SLC35F4: variants seen among roughly 807,000 people sequenced by gnomAD.
SLC35F4 encodes chromosome 14 open reading frame 36.
Under a neutral mutation model 44.2 loss-of-function variants are expected in SLC35F4, and 24 were observed. That is an observed-to-expected ratio of 0.54 (90% CI 0.39 to 0.76). The LOEUF (loss-of-function observed/expected upper bound fraction) is 0.76, where lower values mean the gene tolerates loss of function less well. Ranked by LOEUF, SLC35F4 falls within the 30% of genes least tolerant of loss-of-function variation. The pLI is 0.00. For missense variants in SLC35F4, 562 were observed against 586.1 expected (o/e 0.96, Z 0.42); for synonymous variants, 238 against 223.6 (o/e 1.06, Z -0.57).
chr14:57,648,911 T>C (rs1439134016), intron 1 of SLC35F4, among the ~76,000 whole-genome samples: 3 of 152,206 alleles, frequency 2.0e-5, no homozygotes, highest in Non-Finnish European at 4.4e-5. Context: ...TATTTCTATT[T>C]ACTAAATCTG....
At chr14:57,680,047 A>G (rs2074841290) in intron 1 of SLC35F4, among the ~76,000 whole-genome samples, 1 of 152,094 alleles carries the variant, frequency 6.6e-6, no homozygotes, top group Non-Finnish European at 1.5e-5. Flanking sequence ...TCCTGATACC[A>G]AAACCTGGCA....
chr14:57,933,838 C>G (rs932523552), intron 1 of SLC35F4, among the ~76,000 whole-genome samples: 1 of 152,060 alleles, frequency 6.6e-6, no homozygotes, highest in African/African-American at 2.4e-5. Flanking sequence ...AGAAACAGCA[C>G]CAATTATCTT....
intron 1 of SLC35F4, among the ~76,000 whole-genome samples, chr14:57,651,416 T>C (rs1247404350): frequency 6.6e-6 from 1 of 151,942 alleles, no homozygotes; most frequent in Non-Finnish European, 1.5e-5. Context: ...TCCAGCCCCA[T>C]GAAGCCCAGC....
At chr14:57,746,450 A>G (rs1802272916) in intron 1 of SLC35F4, among the ~76,000 whole-genome samples, 1 of 152,166 alleles carries the variant, frequency 6.6e-6, no homozygotes, top group South Asian at 2.1e-4. Flanking sequence ...TGTGGGTAAC[A>G]TTGAATTGAC....
In SLC35F4 at chr14:57,764,120, G is replaced by A. The variant is rs762075782; in HGVS notation, c.103+101603C>T. On this transcript the variant is annotated intron_variant, in intron 1 of 7. Transcript: ENST00000556826. ...GCCATGTGATTGAGTAATTTTATAT[G>A]TCCACCCCATCTGAGCCTGAAGTTT... Among the ~76,000 whole-genome samples the A allele has an allele frequency of 4.6e-4, 70 of 152,226 alleles. 1 individual carries two copies. Among genetic ancestry groups the A allele is most frequent in the Non-Finnish European group, 7.6e-4 (52 of 67,998 alleles).
At chr14:57,925,368 T>C (rs1319588461) in intron 1 of SLC35F4, among the ~76,000 whole-genome samples, 1 of 151,894 alleles carries the variant, frequency 6.6e-6, no homozygotes, top group East Asian at 1.9e-4. Flanking sequence ...AAGAGTTTTT[T>C]TGAATAAGAA....
At chr14:57,718,778 C>A (rs531966830) in intron 1 of SLC35F4, among the ~76,000 whole-genome samples, 1 of 151,936 alleles carries the variant, frequency 6.6e-6, no homozygotes, top group Non-Finnish European at 1.5e-5. Context: ...ATATTTTCTC[C>A]CATTTTGTGG....
At chr14:57,773,453 GTA>G (rs1186985380) in intron 1 of SLC35F4, among the ~76,000 whole-genome samples, 85 of 152,250 alleles carry the variant, frequency 5.6e-4, no homozygotes, top group Non-Finnish European at 1.1e-3. Flanking sequence ...GTTACATTTA[GTA>G]CGGAATAAAG....
intron 1 of SLC35F4, among the ~76,000 whole-genome samples, chr14:57,871,667 A>T (rs1888299188): frequency 6.6e-6 from 1 of 152,198 alleles, no homozygotes; most frequent in Non-Finnish European, 1.5e-5. Context: ...CCCCCATTTT[A>T]GGCATACCAC....
chr14:57,836,811 T>C (rs941779588), intron 1 of SLC35F4, among the ~76,000 whole-genome samples: 1 of 152,148 alleles, frequency 6.6e-6, no homozygotes, highest in African/African-American at 2.4e-5. Context: ...TCACAGACAT[T>C]ATATCTTTCC....
chr14:57,738,452 C>T (rs190442289), intron 1 of SLC35F4, among the ~76,000 whole-genome samples: 1 of 152,198 alleles, frequency 6.6e-6, no homozygotes, highest in Admixed American at 6.5e-5. Context: ...ATTCTCACTT[C>T]TGTACTGCAC....
chr14:57,775,875 A>T (rs1301008190), intron 1 of SLC35F4, among the ~76,000 whole-genome samples: 1 of 152,242 alleles, frequency 6.6e-6, no homozygotes, highest in Non-Finnish European at 1.5e-5. Context: ...GAGAACACTG[A>T]AACCCAATCT....
Position 57,630,026 on chromosome 14 carries a change from C to T in SLC35F4, c.104-35902G>A, listed in dbSNP as rs540423146. On this transcript the variant is annotated intron_variant, in intron 1 of 7. Coordinates refer to ENST00000556826, the MANE Select transcript of SLC35F4 (RefSeq NM_001306087.2). ...GGTCCTATAGTTGATGTGTATGTTC[C>T]GCTTGATTTCTACATTCGCTGTCCA... The T allele has an allele frequency of 1.1e-4, 57 of 534,690 alleles. No individual in the cohort carries two copies. The East Asian group carries it at 1.5e-3, about 14-fold the overall frequency. The allele number at this position is 534,690 out of a possible 1,614,324, so 33.1% of individuals were successfully genotyped here.
rs552199608 is a variant in SLC35F4, at chr14:57,798,771, A to G, written c.103+66952T>C. Among the ~76,000 whole-genome samples, 8 of 152,342 alleles carry G rather than the reference A, an allele frequency of 5.3e-5. No individual in the cohort carries two copies. The South Asian group carries it at 1.7e-3, about 32-fold the overall frequency. ...ATTTTTATGCTTCTCTATTGGAGCC[A>G]GCGGCACGTCCTGCTCAGCCAACTT... On this transcript the variant is annotated intron_variant, in intron 1 of 7. Transcript: ENST00000556826.
At chr14:57,940,695 G>T (rs1889901358) in intron 1 of SLC35F4, among the ~76,000 whole-genome samples, 1 of 152,144 alleles carries the variant, frequency 6.6e-6, no homozygotes, top group Admixed American at 6.5e-5. Flanking sequence ...GGTTGCCCAG[G>T]TGTCTCATCC....
chr14:57,876,263 G>A (rs748651537), intron 1 of SLC35F4, among the ~76,000 whole-genome samples: 17 of 152,066 alleles, frequency 1.1e-4, no homozygotes, highest in Non-Finnish European at 2.1e-4. Flanking sequence ...GTAAAGTTAC[G>A]GCATTCTAAC....
intron 1 of SLC35F4, among the ~76,000 whole-genome samples, chr14:57,967,179 AT>A (rs1880896777): frequency 6.6e-6 from 1 of 152,122 alleles, no homozygotes; most frequent in South Asian, 2.1e-4. Flanking sequence ...GCAACCTTTA[AT>A]CCAATCATTA....
chr14:57,568,668 T>TG (rs2068327748), intron 6 of SLC35F4, among the ~76,000 whole-genome samples: 1 of 152,132 alleles, frequency 6.6e-6, no homozygotes, highest in Admixed American at 6.5e-5. Context: ...ACCCAATCAA[T>TG]ACTCTTGCAG....
chr14:57,899,754 G>A (rs1260276038), intron 1 of SLC35F4, among the ~76,000 whole-genome samples: 2 of 152,152 alleles, frequency 1.3e-5, no homozygotes, highest in Admixed American at 1.3e-4. Context: ...TGTCCTGGGT[G>A]GTGGTGTGTC....
Sources: allele counts gnomAD v4.1 joint callset (sites outside exome capture counted in the v4.1 genomes callset), GRCh38; gene constraint gnomAD v4.1.1; transcripts MANE v1.5; gene names NCBI Gene and HGNC (gene_info 2026-07-23, HGNC 2026-07-21).